The following BRIX1 variants were observed in gnomAD, a reference collection of about 807,000 sequenced individuals.
BRIX1 encodes ribosome biogenesis protein BRX1 homolog.
In BRIX1, 15 loss-of-function variants were observed where a neutral mutation model predicts 44.0. The observed-to-expected ratio is 0.34, with a 90% CI of 0.23 to 0.53. The LOEUF is 0.53. Ranked by LOEUF, BRIX1 falls within the 20% of genes least tolerant of loss-of-function variation. BRIX1 has a pLI of 0.95. For missense variants in BRIX1, 420 were observed against 432.8 expected, an observed-to-expected ratio of 0.97 and a Z score of 0.26; for synonymous variants, 149 against 135.4, an observed-to-expected ratio of 1.10 and a Z score of -0.70.
intron 8 of BRIX1, among the ~76,000 whole-genome samples, chr5:34,923,889 T>C (rs1764294902): frequency 6.6e-6 from 1 of 152,172 alleles, no homozygotes; most frequent in Non-Finnish European, 1.5e-5. Context: ...TGATACAGAG[T>C]ATGGATTTCC....
At chr5:34,922,807 A>G (rs751826313) in intron 6 of BRIX1, 39 bp downstream of exon 6, 2 of 1,563,562 alleles carry the variant, frequency 1.3e-6, no homozygotes, top group Admixed American at 1.7e-5. Context: ...TAATTTTCTT[A>G]TCTGGCATGG....
chr5:34,920,037 A>C lies in BRIX1; in HGVS notation c.315+154A>C, dbSNP rs956388370. On this transcript the variant is annotated intron_variant, in intron 3 of 9. Transcript: ENST00000336767. ...TCAATAACTGGTCTTCCAAATTTTT[A>C]TCTCTCACAGTTTAGTGCTTCATTC... is the stretch of plus-strand genomic sequence containing the variant. 3.8e-5 allele frequency: 18 copies of C among 469,800 alleles called. 1 individual carries two copies. The highest frequency in any genetic ancestry group is 1.2e-4 in the African/African-American group (6 of 49,146). The allele number at this position is 469,800 out of a possible 1,614,324, so 29.1% of individuals were successfully genotyped here. A position where few individuals can be genotyped will look rare whatever the true frequency, so the allele number is the denominator to read the frequency against.
At chr5:34,917,570 G>A (rs975554613) in intron 1 of BRIX1, among the ~76,000 whole-genome samples, 3 of 152,106 alleles carry the variant, frequency 2.0e-5, no homozygotes, top group African/African-American at 7.2e-5. Context: ...AACCCGGGAG[G>A]TGGAGGTTGC....
At chr5:34,919,536 G>C (rs1393176333) in intron 2 of BRIX1, among the ~76,000 whole-genome samples, 2 of 152,062 alleles carry the variant, frequency 1.3e-5, no homozygotes, top group Non-Finnish European at 2.9e-5. Context: ...CACAGTCTTT[G>C]GTTTGTGAGA....
intron 9 of BRIX1, 112 bp downstream of exon 9, chr5:34,925,087 T>A: frequency 6.8e-7 from 1 of 1,469,758 alleles, no homozygotes; most frequent in Non-Finnish European, 9.1e-7. Context: ...TGGTTTTTGC[T>A]GCATAGAAAC....
chr5:34,920,611 A>T (rs948152336), intron 3 of BRIX1: 1 of 152,188 alleles, frequency 6.6e-6, no homozygotes, highest in Non-Finnish European at 1.5e-5. Flanking sequence ...TCAAGTAAAG[A>T]CAGGAGAAAT....
At chr5:34,919,810 ACTTG>A (rs1390482758) in intron 2 of BRIX1, 26 bp from the exon 3 acceptor site, 5 of 756,478 alleles carry the variant, frequency 6.6e-6, no homozygotes, top group African/African-American at 1.8e-5. Flanking sequence ...CCTTTAATTT[ACTTG>A]CTTTTTCTTT....
Position 34,923,210 on chromosome 5 carries a change from T to C in BRIX1, c.639T>C (p.Asn213=), listed in dbSNP as rs868759963. The C allele has an allele frequency of 1.1e-5, 18 of 1,613,534 alleles. No individual in the cohort carries two copies. In the African/African-American group the frequency reaches 1.5e-4, roughly 13 times the overall value. ...DHVFTFTILD[N]RIWFRNFQII... is the part of the protein sequence containing the mutation. ...TGTTTACTTTCACCATTTTGGATAA[T>C]AGGATATGGTTTCGGAACTTTCAGG... The change falls in exon 8 of 10, where the codon AAT becomes AAC. Residue 213 remains asparagine (N), a synonymous_variant. Coordinates refer to ENST00000336767, the MANE Select transcript of BRIX1 (RefSeq NM_018321.4).
At chr5:34,921,203 T>C (rs2111980022) in intron 3 of BRIX1, 1 of 152,230 alleles carries the variant, frequency 6.6e-6, no homozygotes, top group South Asian at 2.1e-4. Flanking sequence ...TTAATTAGAG[T>C]TTATGAATAC....
At position 34,924,992 on chromosome 5, in the gene BRIX1, T is replaced by C; in HGVS notation, c.792+17T>C. ...CCAAACATGGTAAGCGGTTGTGTCA[T>C]TCAGTAGTCTTCAATGTACCAGAAC... On this transcript the variant is annotated intron_variant, in intron 9 of 9. Transcript: ENST00000336767. 2 of 1,610,160 alleles carry C rather than the reference T, an allele frequency of 1.2e-6. No individual in the cohort carries two copies. The highest frequency in any genetic ancestry group is 1.7e-5 in the Admixed American group (1 of 59,498).
At chr5:34,925,007 T>C in intron 9 of BRIX1, 32 bp downstream of exon 9, 1 of 1,606,744 alleles carries the variant, frequency 6.2e-7, no homozygotes, top group South Asian at 1.1e-5. Context: ...TAGTCTTCAA[T>C]GTACCAGAAC....
At chr5:34,916,164 T>G (rs1365389596) in intron 1 of BRIX1, 2 of 350,034 alleles carry the variant, frequency 5.7e-6, no homozygotes, top group African/African-American at 4.2e-5. Flanking sequence ...TCCAGCGTTC[T>G]TTCTTACTAG....
At chr5:34,924,481 AT>A (rs1481537188) in intron 8 of BRIX1, among the ~76,000 whole-genome samples, 5 of 152,216 alleles carry the variant, frequency 3.3e-5, no homozygotes, top group Admixed American at 2.0e-4. Flanking sequence ...TTAGGGATTG[AT>A]TTAAGTTTCA....
At chr5:34,923,087 A>C in intron 7 of BRIX1, 36 bp downstream of exon 7, 1 of 1,561,426 alleles carries the variant, frequency 6.4e-7, no homozygotes, top group Non-Finnish European at 8.8e-7. Flanking sequence ...CAAAATATAC[A>C]TGATATATCT....
intron 4 of BRIX1, 58 bp downstream of exon 4, chr5:34,922,345 C>A: frequency 1.7e-6 from 2 of 1,145,430 alleles, no homozygotes; most frequent in Non-Finnish European, 2.6e-6. Context: ...GTTCTTTGTA[C>A]CTTTTATGTT....
chr5:34,919,375 T>G (rs933312080), intron 2 of BRIX1, among the ~76,000 whole-genome samples: 1 of 151,894 alleles, frequency 6.6e-6, no homozygotes, highest in African/African-American at 2.4e-5. Context: ...TTGGGGTTTT[T>G]TTGTTTTTTG....
rs773623427 is a variant in BRIX1 at position 34,918,410 on chromosome 5, G to T, written c.206G>T (p.Gly69Val). 1 of 1,603,982 alleles carries T rather than the reference G, an allele frequency of 6.2e-7. No individual in the cohort carries two copies. The highest frequency in any genetic ancestry group is 8.5e-7 in the Non-Finnish European group (1 of 1,172,692). ...KERILIFSSR[G>V]INFRTRHLMQ... ...CGGATTCTCATCTTTTCTTCCAGAG[G>T]AATAAATTTTAGAACAAGACATTTA... Residue 69 changes from glycine (G) to valine (V), a missense_variant, in exon 2 of 10, where the codon GGA becomes GTA. Transcript: ENST00000336767.
In BRIX1 at chr5:34,918,313, A is replaced by G. The variant is rs780871407; in HGVS notation, c.160-51A>G. The G allele has an allele frequency of 2.0e-5, 19 of 958,232 alleles. No homozygotes were observed. In the East Asian group the frequency reaches 4.5e-4, roughly 23 times the overall value. 59.4% of individuals were successfully genotyped at this position (958,232 alleles called of 1,614,324 possible). On this transcript the variant is annotated intron_variant, in intron 1 of 9. Coordinates refer to ENST00000336767, the MANE Select transcript of BRIX1 (RefSeq NM_018321.4). The stretch of plus-strand genomic sequence containing the variant: ...GTGTGAGACCCTGTCACAAAACAAG[A>G]TCAGTTCAGTATAAGATTTTAAAAT...
chr5:34,923,621 T>C (rs1015924963), intron 8 of BRIX1, among the ~76,000 whole-genome samples: 2 of 152,130 alleles, frequency 1.3e-5, no homozygotes, highest in African/African-American at 4.8e-5. Flanking sequence ...GTTGCCTAGG[T>C]TGGCCTTGAA....
Sources: gnomAD v4.1 joint callset for allele counts (sites outside exome capture counted in the v4.1 genomes callset) on GRCh38, gnomAD v4.1.1 for gene constraint, MANE v1.5 for transcripts, NCBI Gene and HGNC (gene_info 2026-07-23, HGNC 2026-07-21) for gene names.